The following EIF4G3 variants were observed in gnomAD, a reference collection of about 807,000 sequenced individuals.
EIF4G3 encodes the protein eIF-4-gamma 3.
EIF4G3 carries 34 observed loss-of-function variants against 186.4 expected under a neutral mutation model. The observed-to-expected ratio is 0.18, with a 90% CI of 0.14 to 0.24. EIF4G3 has a LOEUF of 0.24. Ranked by LOEUF, EIF4G3 falls within the 10% of genes least tolerant of loss-of-function variation. The probability of loss-of-function intolerance (pLI) is 1.00; values close to 1 mark genes in which losing one functional copy is unlikely to be tolerated. For missense variants in EIF4G3, 1,536 were observed against 1,948.5 expected, an observed-to-expected ratio of 0.79 and a Z score of 3.99; for synonymous variants, 673 against 679.5, an observed-to-expected ratio of 0.99 and a Z score of 0.15.
At chr1:20,987,085 T>C (rs1047052481) in intron 7 of EIF4G3, among the ~76,000 whole-genome samples, 2 of 152,174 alleles carry the variant, frequency 1.3e-5, no homozygotes, top group Non-Finnish European at 2.9e-5. Context: ...GAATAAAAAA[T>C]GTTTCCTCTC....
intron 18 of EIF4G3, among the ~76,000 whole-genome samples, chr1:20,888,583 G>C (rs1265951346): frequency 1.3e-5 from 2 of 152,100 alleles, no homozygotes; most frequent in African/African-American, 2.4e-5. Context: ...AAAAGAATCA[G>C]AATCTAGAGT....
intron 13 of EIF4G3, among the ~76,000 whole-genome samples, chr1:20,948,465 T>C (rs960782899): frequency 6.6e-6 from 1 of 152,206 alleles, no homozygotes; most frequent in African/African-American, 2.4e-5. Flanking sequence ...AACTATCTTA[T>C]ATAACAAATA....
intron 3 of EIF4G3, among the ~76,000 whole-genome samples, chr1:21,074,187 A>G (rs1557831739): frequency 6.6e-6 from 1 of 152,176 alleles, no homozygotes; most frequent in Non-Finnish European, 1.5e-5. Flanking sequence ...ATAATTCTTT[A>G]TCATGAGATT....
At chr1:20,976,684 T>C (rs1340059535) in intron 10 of EIF4G3, among the ~76,000 whole-genome samples, 1 of 152,112 alleles carries the variant, frequency 6.6e-6, no homozygotes. Context: ...TTCCACAAAA[T>C]AACTAGCACA....
chr1:21,141,552 T>A (rs2097340019), intron 2 of EIF4G3, among the ~76,000 whole-genome samples: 1 of 151,006 alleles, frequency 6.6e-6, no homozygotes. Flanking sequence ...TATTTTACAT[T>A]AAGAAAGTGA....
At chr1:20,896,630 G>C (rs1023721651) in intron 16 of EIF4G3, among the ~76,000 whole-genome samples, 1 of 152,104 alleles carries the variant, frequency 6.6e-6, no homozygotes, top group Non-Finnish European at 1.5e-5. Flanking sequence ...TAAAATAAAT[G>C]TAGTGTGCCC....
chr1:21,059,216 G>A (rs1028844140), intron 3 of EIF4G3, among the ~76,000 whole-genome samples: 2 of 152,064 alleles, frequency 1.3e-5, no homozygotes, highest in Non-Finnish European at 2.9e-5. Flanking sequence ...CATTTCAGCA[G>A]CTGCAACTCA....
At position 20,851,248 on chromosome 1, in the gene EIF4G3, A is replaced by G. The variant is rs534126613; in HGVS notation, c.3772+10T>C. On this transcript the variant is annotated intron_variant, in intron 28 of 36. Transcript: ENST00000602326. ...CCCAAATCTGCATCTGTTTAAGCCA[A>G]GTCTCTCACCTGACTCCCTTGTTTT... The G allele has an allele frequency of 2.5e-5, 40 of 1,613,652 alleles. 1 individual carries two copies. The South Asian group carries it at 3.3e-4, about 13-fold the overall frequency.
At chr1:20,996,593 G>A (rs1056509831) in intron 7 of EIF4G3, among the ~76,000 whole-genome samples, 19 of 152,162 alleles carry the variant, frequency 1.2e-4, no homozygotes, top group African/African-American at 4.6e-4. Context: ...AATAAGAATT[G>A]TAAATATGAT....
chr1:21,018,244 T>G (rs1014291871), intron 4 of EIF4G3, among the ~76,000 whole-genome samples: 1 of 152,070 alleles, frequency 6.6e-6, no homozygotes, highest in African/African-American at 2.4e-5. Flanking sequence ...ATGTGCCCAG[T>G]CAAATGTAAA....
At chr1:21,171,957 A>T (rs1158956864) in intron 2 of EIF4G3, among the ~76,000 whole-genome samples, 1 of 152,164 alleles carries the variant, frequency 6.6e-6, no homozygotes, top group Non-Finnish European at 1.5e-5. Flanking sequence ...GGGCAAGGAT[A>T]TTACGAGATG....
intron 4 of EIF4G3, among the ~76,000 whole-genome samples, chr1:21,042,784 T>C (rs572705077): frequency 1.3e-5 from 2 of 152,320 alleles, no homozygotes; most frequent in South Asian, 2.1e-4. Context: ...GAATCACATA[T>C]ACATTTTTGC....
intron 2 of EIF4G3, among the ~76,000 whole-genome samples, chr1:21,123,488 C>G (rs2096963360): frequency 1.3e-5 from 2 of 150,676 alleles, no homozygotes; most frequent in Non-Finnish European, 2.9e-5. Context: ...TCGCTTGAAC[C>G]TGGGAGGCAA....
chr1:21,159,546 G>A (rs186310106), intron 2 of EIF4G3, among the ~76,000 whole-genome samples: 5 of 152,168 alleles, frequency 3.3e-5, no homozygotes, highest in Admixed American at 2.6e-4. Flanking sequence ...AGACAAGACT[G>A]GCCAACATGG....
chr1:20,898,672 CT>C (rs1188204360), intron 16 of EIF4G3, among the ~76,000 whole-genome samples: 4 of 152,158 alleles, frequency 2.6e-5, no homozygotes, highest in African/African-American at 9.7e-5. Context: ...ACCCCACCTC[CT>C]GCAAAACTTA....
At chr1:21,036,449 C>T (rs929545797) in intron 4 of EIF4G3, among the ~76,000 whole-genome samples, 2 of 152,096 alleles carry the variant, frequency 1.3e-5, no homozygotes, top group Non-Finnish European at 2.9e-5. Flanking sequence ...CCCAAAGATC[C>T]CGTAATGTTA....
chr1:20,962,623 G>A (rs917749044), intron 12 of EIF4G3, among the ~76,000 whole-genome samples: 4 of 152,130 alleles, frequency 2.6e-5, no homozygotes, highest in Admixed American at 6.5e-5. Flanking sequence ...GTGGCACTCT[G>A]TATGGGTCCC....
chr1:21,165,024 G>A (rs773213799), intron 2 of EIF4G3, among the ~76,000 whole-genome samples: 7 of 152,120 alleles, frequency 4.6e-5, no homozygotes, highest in Non-Finnish European at 8.8e-5. Context: ...ATAATTCTCC[G>A]TAACTGACAA....
intron 3 of EIF4G3, among the ~76,000 whole-genome samples, chr1:21,069,680 C>T (rs2095381846): frequency 6.6e-6 from 1 of 152,136 alleles, no homozygotes; most frequent in Admixed American, 6.6e-5. Flanking sequence ...ACATTTTAGG[C>T]TGTCACAACA....
Sources: gnomAD v4.1 joint callset for allele counts (sites outside exome capture counted in the v4.1 genomes callset) on GRCh38, gnomAD v4.1.1 for gene constraint, MANE v1.5 for transcripts, NCBI Gene and HGNC (gene_info 2026-07-23, HGNC 2026-07-21) for gene names.